Variants in SPTY2D1 observed in about 807,000 individuals in gnomAD.
SPTY2D1 encodes SPT2 chromatin protein domain containing 1.
A neutral mutation model predicts 64.0 loss-of-function variants in SPTY2D1; 21 were observed. The ratio of observed to expected loss-of-function variants is 0.33; its 90% CI spans 0.23 to 0.47. The LOEUF is 0.47. SPTY2D1 is among the 20% of genes least tolerant of loss of function. The pLI, the probability that SPTY2D1 is intolerant of heterozygous loss-of-function variation, is 1.00. For missense variants in SPTY2D1, 724 were observed against 837.2 expected, an observed-to-expected ratio of 0.86 and a Z score of 1.67; for synonymous variants, 287 against 286.8, an observed-to-expected ratio of 1.00 and a Z score of -0.01.
In SPTY2D1 at chr11:18,634,201, C is replaced by T. The variant is rs1854632604; in HGVS notation, c.57G>A (p.Val19=). The change falls in exon 1 of 6, where the codon GTG becomes GTA. Residue 19 remains valine (V), a synonymous_variant. Transcript: ENST00000336349. ...IASKGQGVNN[V]PKRYSLAVGP... is the part of the protein sequence containing the mutation. Reference sequence around the variant, plus strand: ...TGATGCCCCAGCTGCTACTTACCGGCACATTGTTGACACCTTGTCCCTTGG... The same window carrying T: ...TGATGCCCCAGCTGCTACTTACCGGTACATTGTTGACACCTTGTCCCTTGG... 6.2e-6 allele frequency: 10 copies of T among 1,614,114 alleles called. No individual in the cohort carries two copies. In the East Asian group the frequency reaches 2.0e-4, roughly 32 times the overall value.
At chr11:18,617,138 G>A (rs1854311618) in intron 1 of SPTY2D1, 149 bp from the exon 2 acceptor site, 5 of 615,128 alleles carry the variant, frequency 8.1e-6, no homozygotes, top group Non-Finnish European at 1.4e-5. Flanking sequence ...CCATAATAAA[G>A]CTTAGCTATA....
intron 1 of SPTY2D1, among the ~76,000 whole-genome samples, chr11:18,623,334 C>T (rs767764257): frequency 6.6e-6 from 1 of 152,188 alleles, no homozygotes; most frequent in South Asian, 2.1e-4. Context: ...TTAGCTTTAG[C>T]AATGACTCCA....
chr11:18,612,293 C>G lies in SPTY2D1; in HGVS notation c.1886+21G>C. 1 of 1,563,188 alleles carries G rather than the reference C, an allele frequency of 6.4e-7. No individual in the cohort carries two copies. On this transcript the variant is annotated intron_variant, in intron 4 of 5. Transcript: ENST00000336349. The surrounding 1 kb of genome is among the most constrained non-coding windows in gnomAD (Gnocchi z 4.6). ...AATAAAAAAAGGATGTCATAGTTAT[C>G]TGAATCTTCTTTAGTCTTACTTTTT...
At chr11:18,625,816 T>C (rs1481335178) in intron 1 of SPTY2D1, among the ~76,000 whole-genome samples, 1 of 140,602 alleles carries the variant, frequency 7.1e-6, no homozygotes, top group Non-Finnish European at 1.5e-5. Flanking sequence ...TCCAACACTT[T>C]CTTTTTTTTT....
chr11:18,616,762 C>CACACACACACACA, intron 2 of SPTY2D1, 113 bp downstream of exon 2: 2 of 859,772 alleles, frequency 2.3e-6, no homozygotes, highest in African/African-American at 3.4e-5. Context: ...CACACACACA[C>CACACACACACACA]CCTCCCAAAT....
At chr11:18,633,916 C>G (rs76522321) in intron 1 of SPTY2D1, among the ~76,000 whole-genome samples, 8,619 of 152,262 alleles carry the variant, frequency 0.057, 811 homozygotes, top group African/African-American at 0.2. Context: ...ACAGCTCACT[C>G]ACGGCTTTCA....
rs1291020438 is a variant in SPTY2D1 at position 18,612,558 on chromosome 11, A to G, written c.1712-70T>C. 2 of 1,341,046 alleles carry G rather than the reference A, an allele frequency of 1.5e-6. No individual in the cohort carries two copies. Among genetic ancestry groups the G allele is most frequent in the Non-Finnish European group, 2.0e-6 (2 of 1,004,714 alleles). The allele number at this position is 1,341,046 out of a possible 1,614,324, so 83.1% of individuals were successfully genotyped here. ...CCAATGCAGTTCTATGTAAACTGAA[A>G]TTGTGAGTCATCATTAAGATGGTAT... On this transcript the variant is annotated intron_variant, in intron 3 of 5. Coordinates refer to ENST00000336349, the MANE Select transcript of SPTY2D1 (RefSeq NM_194285.3). This position sits in a 1 kb window ranked among gnomAD's most constrained non-coding sequence, Gnocchi z 4.6.
At chr11:18,617,416 G>A (rs888434097) in intron 1 of SPTY2D1, among the ~76,000 whole-genome samples, 1 of 151,950 alleles carries the variant, frequency 6.6e-6, no homozygotes, top group Non-Finnish European at 1.5e-5. Context: ...CATGAGATCT[G>A]GAGTTCGAGA....
At chr11:18,623,840 G>C (rs1854455493) in intron 1 of SPTY2D1, among the ~76,000 whole-genome samples, 1 of 152,146 alleles carries the variant, frequency 6.6e-6, no homozygotes, top group Non-Finnish European at 1.5e-5. Context: ...CTTTCACTTA[G>C]CATGTTTTCA....
At position 18,606,629 on chromosome 11, in the gene SPTY2D1, ATATT is replaced by A. The variant is rs1465084278; in HGVS notation, c.*3228_*3231del. 1.6e-5 allele frequency: 6 copies of A among 369,660 alleles called. No individual in the cohort carries two copies. The highest frequency in any genetic ancestry group is 1.4e-4 in the Admixed American group (3 of 20,778). 22.9% of individuals were successfully genotyped at this position (369,660 alleles called of 1,614,324 possible). A position where few individuals can be genotyped will look rare whatever the true frequency, so the allele number is the denominator to read the frequency against. ...TCTTAATCATACACTAAACGTCTGA[ATATT>A]TAATCACATCCACTCAGAAAATAAA... On this transcript the variant is annotated 3_prime_UTR_variant, in exon 6 of 6. Transcript: ENST00000336349.
intron 1 of SPTY2D1, among the ~76,000 whole-genome samples, chr11:18,618,536 C>T (rs143543190): frequency 5.3e-5 from 8 of 152,300 alleles, no homozygotes; most frequent in African/African-American, 1.7e-4. Flanking sequence ...TTCACCTCTA[C>T]GACCATTCCA....
chr11:18,627,947 C>G (rs916576644), intron 1 of SPTY2D1, among the ~76,000 whole-genome samples: 1 of 152,084 alleles, frequency 6.6e-6, no homozygotes, highest in African/African-American at 2.4e-5. Context: ...ACTCGGGAGT[C>G]TGAGGCAGGA....
In SPTY2D1 at chr11:18,609,207, T is replaced by C. The variant is rs1452770683; in HGVS notation, c.*654A>G. The C allele has an allele frequency of 6.6e-6, 1 of 152,404 alleles. No individual in the cohort carries two copies. Among genetic ancestry groups the C allele is most frequent in the African/African-American group, 2.4e-5 (1 of 41,464 alleles). The allele number at this position is 152,404 out of a possible 1,614,324, so 9.4% of individuals were successfully genotyped here. A position where few individuals can be genotyped will look rare whatever the true frequency, so the allele number is the denominator to read the frequency against. On this transcript the variant is annotated 3_prime_UTR_variant, in exon 6 of 6. Transcript: ENST00000336349. Reference sequence around the variant, plus strand: ...ATATTATACTGTTATAACCTGTATTTTAACTTGAAAATTTTTTCATTAATT... The same window carrying C: ...ATATTATACTGTTATAACCTGTATTCTAACTTGAAAATTTTTTCATTAATT...
chr11:18,631,727 CG>C (rs1367539883), intron 1 of SPTY2D1, among the ~76,000 whole-genome samples: 1 of 151,148 alleles, frequency 6.6e-6, no homozygotes, highest in Non-Finnish European at 1.5e-5. Context: ...ATGCTAAATA[CG>C]GGGTTTGGGT....
At chr11:18,613,495 G>A (rs1854239784) in intron 3 of SPTY2D1, among the ~76,000 whole-genome samples, 1 of 152,162 alleles carries the variant, frequency 6.6e-6, no homozygotes, top group Non-Finnish European at 1.5e-5. Context: ...CTGTCAGGGG[G>A]CTATCCCATG....
chr11:18,626,773 T>C (rs1405125638), intron 1 of SPTY2D1, among the ~76,000 whole-genome samples: 3 of 152,168 alleles, frequency 2.0e-5, no homozygotes, highest in African/African-American at 7.2e-5. Flanking sequence ...TAAAGGTTAA[T>C]TGTTATTCAG....
At chr11:18,631,824 G>C (rs1041369570) in intron 1 of SPTY2D1, among the ~76,000 whole-genome samples, 2 of 152,178 alleles carry the variant, frequency 1.3e-5, no homozygotes, top group Admixed American at 1.3e-4. Context: ...AGAACAGTTA[G>C]ATGAATCAAG....
At chr11:18,610,667 T>TAAAAAAAAAAAAAAAAAAAAAAAA (rs58363516) in intron 5 of SPTY2D1, among the ~76,000 whole-genome samples, 1 of 96,726 alleles carries the variant, frequency 1.0e-5, no homozygotes, top group African/African-American at 3.7e-5. Context: ...CCCTGTCTCT[T>TAAAAAAAAAAAAAAAAAAAAAAAA]AAAAAAAAAA....
rs1854142942 is a variant in SPTY2D1 at position 18,608,472 on chromosome 11, T to C, written c.*1389A>G. On this transcript the variant is annotated 3_prime_UTR_variant, in exon 6 of 6. Transcript: ENST00000336349. ...CTACTTCCTAATCCCCCCCATACAA[T>C]GGCTTAAGATAGCCAAAACGTTTAT... 6.6e-6 allele frequency: 1 copy of C among 152,236 alleles called. No individual in the cohort carries two copies. Among genetic ancestry groups the C allele is most frequent in the Admixed American group, 6.5e-5 (1 of 15,280 alleles). 9.4% of individuals were successfully genotyped at this position (152,236 alleles called of 1,614,324 possible).
Sources: gnomAD v4.1 joint callset for allele counts (sites outside exome capture counted in the v4.1 genomes callset) on GRCh38, gnomAD v4.1.1 for gene constraint, Gnocchi (gnomAD v3.1) non-coding constraint, MANE v1.5 for transcripts, NCBI Gene and HGNC (gene_info 2026-07-23, HGNC 2026-07-21) for gene names.